Variants in USP15 observed in about 807,000 individuals in gnomAD.
The protein encoded by USP15 is ubiquitin carboxyl-terminal hydrolase 15.
USP15 carries 18 observed loss-of-function variants against 127.1 expected under a neutral mutation model. That is an observed-to-expected ratio of 0.14 (90% CI 0.10 to 0.21). The LOEUF (loss-of-function observed/expected upper bound fraction) is 0.21, where lower values mean the gene tolerates loss of function less well. Among genes scored for constraint, USP15 ranks in the 10% least tolerant of loss-of-function variants. USP15 has a pLI of 1.00. For synonymous variants in USP15, 364 were observed against 393.7 expected, an observed-to-expected ratio of 0.92 and a Z score of 0.89; for missense variants, 805 against 1,159.9, an observed-to-expected ratio of 0.69 and a Z score of 4.44.
intron 3 of USP15, among the ~76,000 whole-genome samples, chr12:62,305,081 A>C (rs2064441072): frequency 6.6e-6 from 1 of 152,242 alleles, no homozygotes; most frequent in South Asian, 2.1e-4. Flanking sequence ...GAATGCAGTA[A>C]GTAAGTTTAA....
At chr12:62,347,511 T>A (rs1482092047) in intron 6 of USP15, among the ~76,000 whole-genome samples, 1 of 152,024 alleles carries the variant, frequency 6.6e-6, no homozygotes, top group Non-Finnish European at 1.5e-5. Flanking sequence ...AATTACATTT[T>A]AAAAAATTAA....
chr12:62,352,527 T>C (rs2065994213), intron 7 of USP15, among the ~76,000 whole-genome samples: 1 of 152,048 alleles, frequency 6.6e-6, no homozygotes, highest in Admixed American at 6.6e-5. Context: ...ATTGTCTCAA[T>C]TTGACATTCC....
chr12:62,393,022 T>C, intron 18 of USP15, 31 bp from the exon 19 acceptor site: 1 of 1,608,484 alleles, frequency 6.2e-7, no homozygotes, highest in South Asian at 1.1e-5. Flanking sequence ...TGTACCTCTA[T>C]CAAGTGTTAA....
intron 6 of USP15, chr12:62,334,234 G>C (rs2065389933): frequency 6.6e-6 from 1 of 151,978 alleles, no homozygotes; most frequent in Non-Finnish European, 1.5e-5. Context: ...TCTGATATTA[G>C]GTACATGAGG....
chr12:62,359,288 G>A (rs1368697295), intron 8 of USP15, among the ~76,000 whole-genome samples: 1 of 145,338 alleles, frequency 6.9e-6, no homozygotes, highest in Admixed American at 7.0e-5. Context: ...TACAGATTAA[G>A]ATCACAGTTT....
chr12:62,384,632 G>A (rs1033450405), intron 11 of USP15, among the ~76,000 whole-genome samples: 1 of 60,778 alleles, frequency 1.6e-5, no homozygotes, highest in African/African-American at 8.1e-5. Context: ...ACTTTCTTTA[G>A]TGTTAATTGT....
chr12:62,308,078 A>G (rs1374770506), intron 3 of USP15, among the ~76,000 whole-genome samples: 1 of 152,140 alleles, frequency 6.6e-6, no homozygotes, highest in Non-Finnish European at 1.5e-5. Flanking sequence ...CATAGTGAAT[A>G]TAGGGATTAG....
chr12:62,354,596 T>G lies in USP15; in HGVS notation c.771-735T>G, dbSNP rs915084575. ...CTTATTTTCTTCTTTCTAAAAATTATACTGATTTTGTAACTTTTAGAATAT... is the reference window on the plus strand; with the variant it reads ...CTTATTTTCTTCTTTCTAAAAATTAGACTGATTTTGTAACTTTTAGAATAT... On this transcript the variant is annotated intron_variant, in intron 7 of 21. Coordinates refer to ENST00000280377, the MANE Select transcript of USP15 (RefSeq NM_001252078.2). 4.0e-4 allele frequency among the ~76,000 whole-genome samples: 61 copies of G among 152,112 alleles called. 1 individual carries two copies. The highest frequency in any genetic ancestry group is 1.4e-3 in the African/African-American group (59 of 41,554).
chr12:62,297,846 T>C (rs1474492823), intron 2 of USP15, among the ~76,000 whole-genome samples: 1 of 152,036 alleles, frequency 6.6e-6, no homozygotes, highest in Non-Finnish European at 1.5e-5. Context: ...TAGAGATGAA[T>C]TGCCTGACAG....
rs149953550 is a variant in USP15, at chr12:62,391,324, C to A, written c.2128C>A (p.Arg710=). 10 of 1,613,282 alleles carry A rather than the reference C, an allele frequency of 6.2e-6. No individual in the cohort carries two copies. Among genetic ancestry groups the A allele is most frequent in the Non-Finnish European group, 7.6e-6 (9 of 1,179,654 alleles). ...CKGQLTGHKK[R]LFTFQFNNLG... Reference sequence around the variant, plus strand: ...AGGTCAACTCACGGGACACAAAAAACGATTGTTTACATTCCAGTTCAACAA... The same window carrying A: ...AGGTCAACTCACGGGACACAAAAAAAGATTGTTTACATTCCAGTTCAACAA... The change falls in exon 16 of 22, where the codon CGA becomes AGA. Residue 710 remains arginine, a synonymous_variant. Coordinates refer to ENST00000280377, the MANE Select transcript of USP15 (RefSeq NM_001252078.2).
chr12:62,321,009 T>G (rs1229311857), intron 4 of USP15, among the ~76,000 whole-genome samples: 1 of 152,110 alleles, frequency 6.6e-6, no homozygotes, highest in Non-Finnish European at 1.5e-5. Flanking sequence ...TGTCCATATA[T>G]TCTAGTGAGC....
At chr12:62,285,589 A>G (rs1176643602) in intron 1 of USP15, among the ~76,000 whole-genome samples, 1 of 152,164 alleles carries the variant, frequency 6.6e-6, no homozygotes, top group Non-Finnish European at 1.5e-5. Flanking sequence ...ATGGTGCTGC[A>G]AAAAACATGG....
chr12:62,265,585 C>T (rs1388397776), intron 1 of USP15, among the ~76,000 whole-genome samples: 1 of 152,158 alleles, frequency 6.6e-6, no homozygotes, highest in Non-Finnish European at 1.5e-5. Flanking sequence ...CTCGCTTCAT[C>T]ACCCAGGCTG....
chr12:62,288,328 G>A (rs1431620417), intron 1 of USP15, among the ~76,000 whole-genome samples: 3 of 127,822 alleles, frequency 2.3e-5, no homozygotes, highest in Non-Finnish European at 4.9e-5. Context: ...GATTAGATGT[G>A]TTCCCTGGCA....
intron 19 of USP15, among the ~76,000 whole-genome samples, chr12:62,395,440 A>G (rs2067455973): frequency 6.6e-6 from 1 of 152,062 alleles, no homozygotes; most frequent in African/African-American, 2.4e-5. Flanking sequence ...GGAGTGTGAA[A>G]TAGTCACATT....
At chr12:62,310,895 C>A in intron 3 of USP15, among the ~76,000 whole-genome samples, 1 of 151,784 alleles carries the variant, frequency 6.6e-6, no homozygotes, top group Non-Finnish European at 1.5e-5. Flanking sequence ...CATCTGTTGT[C>A]TTTTGTCTTT....
intron 7 of USP15, among the ~76,000 whole-genome samples, chr12:62,354,512 T>C (rs998663065): frequency 2.0e-5 from 3 of 151,916 alleles, no homozygotes; most frequent in African/African-American, 7.2e-5. Flanking sequence ...TAAGAAAGAA[T>C]CCATTCTTTT....
At chr12:62,285,740 T>A (rs1244711833) in intron 1 of USP15, among the ~76,000 whole-genome samples, 1 of 152,242 alleles carries the variant, frequency 6.6e-6, no homozygotes, top group Non-Finnish European at 1.5e-5. Context: ...AGTGCTGTGA[T>A]AAACATACAA....
chr12:62,344,364 C>T lies in USP15; in HGVS notation c.684-4857C>T, dbSNP rs1328808217. ...TCAAATCTTAAAGCTCCAAAATGATCTCCTTTGACTCCATGTCTTGCATCT... is the reference window on the plus strand; with the variant it reads ...TCAAATCTTAAAGCTCCAAAATGATTTCCTTTGACTCCATGTCTTGCATCT... On this transcript the variant is annotated intron_variant, in intron 6 of 21. Transcript: ENST00000280377. Among the ~76,000 whole-genome samples the T allele has an allele frequency of 2.6e-5, 4 of 152,322 alleles. No individual in the cohort carries two copies. The South Asian group carries it at 6.2e-4, about 24-fold the overall frequency.
Sources: allele counts gnomAD v4.1 joint callset (sites outside exome capture counted in the v4.1 genomes callset), GRCh38; gene constraint gnomAD v4.1.1; transcripts MANE v1.5; gene names NCBI Gene and HGNC (gene_info 2026-07-23, HGNC 2026-07-21).